Variants in GNB4 observed in about 807,000 individuals in gnomAD.
The protein encoded by GNB4 is G protein subunit beta 4, also known as guanine nucleotide-binding protein subunit beta-4.
GNB4 carries 28 observed loss-of-function variants against 45.2 expected under a neutral mutation model. The ratio of observed to expected loss-of-function variants is 0.62; its 90% CI spans 0.46 to 0.85. GNB4 has a LOEUF of 0.85. Ranked by LOEUF, GNB4 falls within the 40% of genes least tolerant of loss-of-function variation. GNB4 has a pLI of 0.00. For synonymous variants in GNB4, 132 were observed against 143.7 expected, an observed-to-expected ratio of 0.92 and a Z score of 0.58; for missense variants, 321 against 425.4, an observed-to-expected ratio of 0.75 and a Z score of 2.16.
At chr3:179,467,437 G>A in the GNB4 span, among the ~76,000 whole-genome samples, 196 of 152,300 alleles carry the variant, frequency 1.3e-3, no homozygotes, top group Middle Eastern at 0.01. Context: ...GAGATTAAAT[G>A]TAATCAAACA....
the GNB4 span, among the ~76,000 whole-genome samples, chr3:179,513,258 A>T: frequency 7.2e-6 from 1 of 138,092 alleles, no homozygotes; most frequent in East Asian, 2.1e-4. Context: ...ATCACTGCTC[A>T]CTCTAGCCTT....
Position 179,397,901 on chromosome 3 carries a change from T to A in GNB4, c.*3312A>T, listed in dbSNP as rs952752388. ...GCCCACCTCCACGCCCGGCTAATTT[T>A]TGTATTTTTAGTAGAGATGGGGTTT... On this transcript the variant is annotated 3_prime_UTR_variant, in exon 10 of 10. Coordinates refer to ENST00000232564, the MANE Select transcript of GNB4 (RefSeq NM_021629.4). 1 of 152,438 alleles carries A rather than the reference T, an allele frequency of 6.6e-6. No homozygotes were observed. Among genetic ancestry groups the A allele is most frequent in the East Asian group, 1.9e-4 (1 of 5,146 alleles). The allele number at this position is 152,438 out of a possible 1,614,324, so 9.4% of individuals were successfully genotyped here. A position where few individuals can be genotyped will look rare whatever the true frequency, so the allele number is the denominator to read the frequency against.
At chr3:179,450,731 A>G (rs1715847463) in intron 1 of GNB4, among the ~76,000 whole-genome samples, 1 of 152,238 alleles carries the variant, frequency 6.6e-6, no homozygotes, top group Non-Finnish European at 1.5e-5. Context: ...CTGTGTTCTG[A>G]AGCAGAAAAA....
At chr3:179,480,200 C>A in the GNB4 span, among the ~76,000 whole-genome samples, 5 of 152,210 alleles carry the variant, frequency 3.3e-5, no homozygotes, top group Non-Finnish European at 7.4e-5. Flanking sequence ...TTACCAGCAT[C>A]CAGAACTGTG....
the GNB4 span, among the ~76,000 whole-genome samples, chr3:179,505,726 C>T: frequency 9.5e-4 from 144 of 152,262 alleles, no homozygotes; most frequent in Admixed American, 2.4e-3. Flanking sequence ...CTGGACGACA[C>T]GTTCCAGCAA....
chr3:179,447,651 G>A (rs1715769877), intron 1 of GNB4, among the ~76,000 whole-genome samples: 1 of 152,222 alleles, frequency 6.6e-6, no homozygotes, highest in Non-Finnish European at 1.5e-5. Flanking sequence ...GGGGGCTCCT[G>A]CAGTCATCCA....
upstream of GNB4, among the ~76,000 whole-genome samples, chr3:179,456,111 T>C (rs1357655752): frequency 1.3e-5 from 2 of 148,422 alleles, no homozygotes; most frequent in African/African-American, 5.0e-5. Flanking sequence ...CATAGACTTT[T>C]TTTTTTTTTT....
the GNB4 span, among the ~76,000 whole-genome samples, chr3:179,497,526 T>A: frequency 6.6e-6 from 1 of 152,110 alleles, no homozygotes; most frequent in East Asian, 1.9e-4. Context: ...CTAGAAAGTT[T>A]CTTCACAGCA....
intron 5 of GNB4, among the ~76,000 whole-genome samples, chr3:179,415,644 G>T (rs1438481515): frequency 7.1e-6 from 1 of 141,770 alleles, no homozygotes; most frequent in Non-Finnish European, 1.5e-5. Flanking sequence ...TGGAAAAAAG[G>T]TGTATGAGAA....
chr3:179,404,292 T>C (rs1042694778), intron 9 of GNB4, among the ~76,000 whole-genome samples: 1 of 152,188 alleles, frequency 6.6e-6, no homozygotes, highest in African/African-American at 2.4e-5. Context: ...GGGAAGAACA[T>C]GGCTACGGCA....
In GNB4 at chr3:179,400,217, G is replaced by A. The variant is rs548543668; in HGVS notation, c.*996C>T. The stretch of plus-strand genomic sequence containing the variant: ...GTATGCAAACATGAAATAAACCACC[G>A]TATTACAACAAATATGTGCTAGCGA... On this transcript the variant is annotated 3_prime_UTR_variant, in exon 10 of 10. Coordinates refer to ENST00000232564, the MANE Select transcript of GNB4 (RefSeq NM_021629.4). 4 of 152,150 alleles carry A rather than the reference G, an allele frequency of 2.6e-5. No homozygotes were observed. The highest frequency in any genetic ancestry group is 6.5e-5 in the Admixed American group (1 of 15,274). The allele number at this position is 152,150 out of a possible 1,614,324, so 9.4% of individuals were successfully genotyped here. A position where few individuals can be genotyped will look rare whatever the true frequency, so the allele number is the denominator to read the frequency against.
At chr3:179,523,735 G>T in the GNB4 span, among the ~76,000 whole-genome samples, 1 of 152,064 alleles carries the variant, frequency 6.6e-6, no homozygotes, top group Non-Finnish European at 1.5e-5. Context: ...GCGTGTGATT[G>T]GTTGCCACGG....
chr3:179,519,448 C>T, the GNB4 span, among the ~76,000 whole-genome samples: 1 of 152,154 alleles, frequency 6.6e-6, no homozygotes, highest in Non-Finnish European at 1.5e-5. Context: ...CAGAGGCTAC[C>T]CACTCCACAT....
At chr3:179,440,037 G>A (rs975008809) in intron 1 of GNB4, among the ~76,000 whole-genome samples, 1 of 152,156 alleles carries the variant, frequency 6.6e-6, no homozygotes, top group African/African-American at 2.4e-5. Context: ...TTTTTCTAAA[G>A]AATGGCTTCA....
chr3:179,505,250 G>A, the GNB4 span, among the ~76,000 whole-genome samples: 2,032 of 152,280 alleles, frequency 0.013, 41 homozygotes, highest in African/African-American at 0.047. Context: ...AGCTCCAAAC[G>A]TAGATCTGAT....
the GNB4 span, among the ~76,000 whole-genome samples, chr3:179,497,333 A>G: frequency 1.3e-5 from 2 of 152,162 alleles, no homozygotes; most frequent in African/African-American, 2.4e-5. Flanking sequence ...TTTATATTAC[A>G]CCATACACAA....
chr3:179,413,532 A>C lies in GNB4; in HGVS notation c.579T>G (p.Ser193Arg). 3 of 1,614,154 alleles carry C rather than the reference A, an allele frequency of 1.9e-6. No homozygotes were observed. The highest frequency in any genetic ancestry group is 2.5e-6 in the Non-Finnish European group (3 of 1,179,986). ...HSGDVMSLSL[S>R]PDMRTFVSGA... ...CAGAAACAAAAGTCCTCATGTCAGG[A>C]CTCAAAGAAAGACTCATCACATCTC... The change falls in exon 8 of 10, where the codon AGT becomes AGG. Residue 193 changes from serine (S) to arginine (R), a missense_variant. Coordinates refer to ENST00000232564, the MANE Select transcript of GNB4 (RefSeq NM_021629.4).
rs138187021 is a variant in GNB4 at position 179,426,157 on chromosome 3, C to T, written c.44G>A (p.Arg15Gln). ...EQLRQEAEQL[R>Q]NQIQDARKAC... ...AAAAGGTTTTACCTGAATCTGATTC[C>T]GCAGTTGTTCTGCTTCTTGCCTCAA... Residue 15 changes from arginine to glutamine, a missense_variant, in exon 2 of 10, where the codon CGG becomes CAG. By Grantham distance (43) the Arg-to-Gln change is conservative. Coordinates refer to ENST00000232564, the MANE Select transcript of GNB4 (RefSeq NM_021629.4). 141 of 1,602,860 alleles carry T rather than the reference C, an allele frequency of 8.8e-5. No homozygotes were observed. The highest frequency in any genetic ancestry group is 1.1e-4 in the Non-Finnish European group (127 of 1,177,310).
the GNB4 span, among the ~76,000 whole-genome samples, chr3:179,457,670 G>A: frequency 2.0e-5 from 3 of 152,172 alleles, no homozygotes; most frequent in East Asian, 1.9e-4. Context: ...AGGTATCTTC[G>A]TATCTATTTA....
Sources: gnomAD v4.1 joint callset for allele counts (sites outside exome capture counted in the v4.1 genomes callset) on GRCh38, gnomAD v4.1.1 for gene constraint, MANE v1.5 for transcripts, NCBI Gene and HGNC (gene_info 2026-07-23, HGNC 2026-07-21) for gene names.